Variants in SORCS3 observed in about 807,000 individuals in gnomAD.
The protein encoded by SORCS3 is sortilin related VPS10 domain containing receptor 3.
SORCS3 carries 57 observed loss-of-function variants against 146.3 expected under a neutral mutation model. The ratio of observed to expected loss-of-function variants is 0.39; its 90% CI spans 0.31 to 0.49. SORCS3 has a LOEUF of 0.49. SORCS3 is among the 20% of genes least tolerant of loss of function. SORCS3 has a pLI of 0.92. For synonymous variants in SORCS3, 653 were observed against 618.5 expected, an observed-to-expected ratio of 1.06 and a Z score of -0.83; for missense variants, 1,341 against 1,575.5, an observed-to-expected ratio of 0.85 and a Z score of 2.52.
chr10:105,013,850 G>A (rs2055148705), intron 4 of SORCS3, among the ~76,000 whole-genome samples: 1 of 151,920 alleles, frequency 6.6e-6, no homozygotes, highest in African/African-American at 2.4e-5. Context: ...AAATAGCAAA[G>A]GTCCAAGAGC....
intron 3 of SORCS3, among the ~76,000 whole-genome samples, chr10:104,940,757 A>G (rs1258094492): frequency 6.6e-6 from 1 of 152,204 alleles, no homozygotes; most frequent in Non-Finnish European, 1.5e-5. Context: ...CAAATGGAAG[A>G]ACATTCCATG....
chr10:104,828,506 A>G (rs2017964594), intron 1 of SORCS3, among the ~76,000 whole-genome samples: 1 of 152,188 alleles, frequency 6.6e-6, no homozygotes, highest in East Asian at 1.9e-4. Context: ...ATCACTCATC[A>G]CAGGTCATCA....
chr10:104,741,139 T>TC (rs2016837451), intron 1 of SORCS3, among the ~76,000 whole-genome samples: 5 of 146,688 alleles, frequency 3.4e-5, no homozygotes, highest in Admixed American at 3.4e-4. Flanking sequence ...TTTAAATTTT[T>TC]TTTTTTTTTT....
At chr10:104,657,688 TCCTCAGTTC>T (rs377330252) in intron 1 of SORCS3, among the ~76,000 whole-genome samples, 51 of 152,338 alleles carry the variant, frequency 3.3e-4, no homozygotes, top group African/African-American at 1.0e-3. Flanking sequence ...AGCTGAGTAA[TCCTCAGTTC>T]CCTCAATAGG....
intron 2 of SORCS3, among the ~76,000 whole-genome samples, chr10:104,909,420 T>G (rs1398072907): frequency 6.6e-6 from 1 of 151,904 alleles, no homozygotes. Context: ...ACAACTGTGG[T>G]TGTTTGCCAA....
rs1322977776 is a variant in SORCS3 at position 105,225,708 on chromosome 10, A to G, written c.2868+2459A>G. Among the ~76,000 whole-genome samples the G allele has an allele frequency of 1.2e-4, 18 of 152,030 alleles. No homozygotes were observed. In the East Asian group the frequency reaches 3.3e-3, roughly 28 times the overall value. On this transcript the variant is annotated intron_variant, in intron 20 of 26. Coordinates refer to ENST00000369701, the MANE Select transcript of SORCS3 (RefSeq NM_014978.3). ...TTCACAATATTAAGTATTCCTATCCATGAACATGGCATATCTGTTTATTTA... is the reference window on the plus strand; with the variant it reads ...TTCACAATATTAAGTATTCCTATCCGTGAACATGGCATATCTGTTTATTTA...
At chr10:104,923,651 C>A (rs2019110149) in intron 3 of SORCS3, among the ~76,000 whole-genome samples, 2 of 152,192 alleles carry the variant, frequency 1.3e-5, no homozygotes, top group South Asian at 4.1e-4. Context: ...ATAGAGGACA[C>A]CAAGTGTTGC....
At chr10:105,091,967 G>T (rs1275729158) in intron 6 of SORCS3, among the ~76,000 whole-genome samples, 1 of 152,174 alleles carries the variant, frequency 6.6e-6, no homozygotes, top group East Asian at 1.9e-4. Flanking sequence ...GTATTTCAGA[G>T]TTGGAGGATG....
At chr10:105,210,420 G>T (rs148780028) in intron 16 of SORCS3, among the ~76,000 whole-genome samples, 162 of 152,210 alleles carry the variant, frequency 1.1e-3, no homozygotes, top group African/African-American at 3.3e-3. Context: ...CTACTTTATT[G>T]TTCTTCTACT....
At chr10:104,956,972 G>A (rs2019500040) in intron 3 of SORCS3, among the ~76,000 whole-genome samples, 1 of 152,066 alleles carries the variant, frequency 6.6e-6, no homozygotes, top group Admixed American at 6.6e-5. Context: ...GGTGCCCTGA[G>A]GGGTTCCTAG....
chr10:105,146,817 T>G (rs2056134214), intron 8 of SORCS3, among the ~76,000 whole-genome samples: 1 of 152,114 alleles, frequency 6.6e-6, no homozygotes. Context: ...CATTTTTAAT[T>G]GAAAAAATAC....
intron 1 of SORCS3, among the ~76,000 whole-genome samples, chr10:104,751,999 G>C (rs193083124): frequency 0.013 from 1,593 of 127,272 alleles, 36 homozygotes; most frequent in African/African-American, 0.036. Context: ...GAGGTTTTCT[G>C]ATTAGTTGCC....
intron 3 of SORCS3, among the ~76,000 whole-genome samples, chr10:104,931,396 C>T (rs1010385313): frequency 6.6e-6 from 1 of 152,278 alleles, no homozygotes; most frequent in Non-Finnish European, 1.5e-5. Context: ...ATTTCCAGGG[C>T]ACTGGCAGCA....
chr10:105,058,001 C>T (rs1012494048), intron 5 of SORCS3, among the ~76,000 whole-genome samples: 24 of 152,214 alleles, frequency 1.6e-4, no homozygotes, highest in Non-Finnish European at 2.9e-5. Flanking sequence ...GCTTGTCCCA[C>T]CTCCTCTCAT....
intron 3 of SORCS3, among the ~76,000 whole-genome samples, chr10:104,959,944 G>T (rs568743455): frequency 1.3e-5 from 2 of 152,094 alleles, no homozygotes; most frequent in African/African-American, 4.8e-5. Context: ...ATGGGTGAAC[G>T]GACTCTAAGG....
chr10:105,194,874 T>C (rs1203521452), intron 14 of SORCS3, among the ~76,000 whole-genome samples: 3 of 152,152 alleles, frequency 2.0e-5, no homozygotes, highest in Non-Finnish European at 4.4e-5. Context: ...ATTCAAATAC[T>C]TAGGTACCTC....
At chr10:104,959,669 AGCTGTGGAAGAACTT>A (rs2054781579) in intron 3 of SORCS3, among the ~76,000 whole-genome samples, 1 of 152,148 alleles carries the variant, frequency 6.6e-6, no homozygotes, top group Admixed American at 6.5e-5. Context: ...AGGAGACAAG[AGCTGTGGAAGAACTT>A]GGCAAGCTGT....
chr10:105,252,320 TA>T (rs1234684608), intron 22 of SORCS3, among the ~76,000 whole-genome samples: 5 of 152,088 alleles, frequency 3.3e-5, no homozygotes, highest in African/African-American at 9.7e-5. Context: ...CTATTGCACT[TA>T]AAAAAAATCC....
At chr10:104,974,725 T>G (rs1363328402) in intron 3 of SORCS3, among the ~76,000 whole-genome samples, 1 of 152,204 alleles carries the variant, frequency 6.6e-6, no homozygotes, top group Non-Finnish European at 1.5e-5. Flanking sequence ...TGTGTGAATT[T>G]GATCCTGTCA....
Sources: allele counts gnomAD v4.1 joint callset (sites outside exome capture counted in the v4.1 genomes callset), GRCh38; gene constraint gnomAD v4.1.1; transcripts MANE v1.5; gene names NCBI Gene and HGNC (gene_info 2026-07-23, HGNC 2026-07-21).